MAF: variants seen among roughly 807,000 people sequenced by gnomAD.
MAF encodes the protein MAF bZIP transcription factor, also known as transcription factor Maf.
A neutral mutation model predicts 22.0 loss-of-function variants in MAF; 10 were observed. That is an observed-to-expected ratio of 0.45 (90% CI 0.28 to 0.77). MAF has a LOEUF of 0.77. MAF is among the 30% of genes least tolerant of loss of function. The pLI, the probability that MAF is intolerant of heterozygous loss-of-function variation, is 0.12. For synonymous variants in MAF, 337 were observed against 255.8 expected, an observed-to-expected ratio of 1.32 and a Z score of -3.03; for missense variants, 544 against 548.4, an observed-to-expected ratio of 0.99 and a Z score of 0.08.
chr16:79,294,034 G>C, the MAF span, among the ~76,000 whole-genome samples: 1 of 152,202 alleles, frequency 6.6e-6, no homozygotes, highest in Non-Finnish European at 1.5e-5. Context: ...TTGTGCAAGA[G>C]GCAGTGGCCC....
the MAF span, among the ~76,000 whole-genome samples, chr16:79,366,686 G>A: frequency 6.6e-6 from 1 of 152,220 alleles, no homozygotes; most frequent in Non-Finnish European, 1.5e-5. Context: ...TCTCTCCCAT[G>A]ATAACTAGGA....
At chr16:79,325,628 C>CAG in the MAF span, among the ~76,000 whole-genome samples, 1 of 149,094 alleles carries the variant, frequency 6.7e-6, no homozygotes, top group African/African-American at 2.5e-5. Context: ...CACACACACA[C>CAG]AGAACACACA....
the MAF span, among the ~76,000 whole-genome samples, chr16:79,383,347 G>A: frequency 1.3e-4 from 19 of 151,960 alleles, no homozygotes; most frequent in African/African-American, 4.6e-4. Context: ...ATTCACAGGG[G>A]AAAACTCAAG....
At chr16:79,587,168 G>C (rs150439520) in intron 1 of MAF, among the ~76,000 whole-genome samples, 1 of 152,242 alleles carries the variant, frequency 6.6e-6, no homozygotes, top group South Asian at 2.1e-4. Flanking sequence ...ATCTGTCAAA[G>C]TTGCCCTAAA....
At chr16:79,528,924 G>A in the MAF span, among the ~76,000 whole-genome samples, 1 of 152,146 alleles carries the variant, frequency 6.6e-6, no homozygotes, top group Non-Finnish European at 1.5e-5. Flanking sequence ...CCCGGTGCAA[G>A]ATTTCCCTAC....
chr16:79,221,251 G>A, the MAF span, among the ~76,000 whole-genome samples: 1 of 152,166 alleles, frequency 6.6e-6, no homozygotes, highest in Non-Finnish European at 1.5e-5. Context: ...ACTTTATGAT[G>A]AAGTACTTGG....
the MAF span, among the ~76,000 whole-genome samples, chr16:79,494,170 C>T: frequency 1.3e-5 from 2 of 152,192 alleles, no homozygotes; most frequent in Non-Finnish European, 2.9e-5. Flanking sequence ...AAAAGCAACA[C>T]AGATTTATTA....
the MAF span, among the ~76,000 whole-genome samples, chr16:79,565,448 G>T: frequency 5.3e-5 from 8 of 151,986 alleles, no homozygotes; most frequent in African/African-American, 1.9e-4. Context: ...ATATGGTTTC[G>T]CTGTGTCCCC....
the MAF span, among the ~76,000 whole-genome samples, chr16:79,381,865 C>A: frequency 6.6e-6 from 1 of 152,196 alleles, no homozygotes; most frequent in Non-Finnish European, 1.5e-5. Context: ...AGCTCTTGAA[C>A]TCAACCTGCG....
At chr16:79,489,062 C>T in the MAF span, among the ~76,000 whole-genome samples, 1 of 152,116 alleles carries the variant, frequency 6.6e-6, no homozygotes, top group Non-Finnish European at 1.5e-5. Flanking sequence ...AGAAACGTGG[C>T]AACTATTCAA....
At chr16:79,409,992 G>A in the MAF span, among the ~76,000 whole-genome samples, 1 of 152,290 alleles carries the variant, frequency 6.6e-6, no homozygotes, top group East Asian at 1.9e-4. Context: ...GAGTCCTTGT[G>A]GATGAATTGC....
At chr16:79,384,459 A>G in the MAF span, among the ~76,000 whole-genome samples, 2 of 148,976 alleles carry the variant, frequency 1.3e-5, no homozygotes, top group Non-Finnish European at 3.0e-5. Context: ...AAGAAAAAAA[A>G]AAAAAAAAAA....
At chr16:79,488,406 G>T in the MAF span, among the ~76,000 whole-genome samples, 3 of 152,192 alleles carry the variant, frequency 2.0e-5, no homozygotes, top group Middle Eastern at 3.4e-3. Flanking sequence ...TTGGAGCTTG[G>T]TCCTGCCACC....
the MAF span, among the ~76,000 whole-genome samples, chr16:79,309,667 G>C: frequency 6.6e-6 from 1 of 152,178 alleles, no homozygotes; most frequent in Non-Finnish European, 1.5e-5. Context: ...TCCACAGAGG[G>C]AACGGATGTC....
the MAF span, among the ~76,000 whole-genome samples, chr16:79,319,190 G>C: frequency 6.6e-6 from 1 of 152,142 alleles, no homozygotes; most frequent in African/African-American, 2.4e-5. Context: ...GGGGAGGTGG[G>C]GGGAGGTCCC....
chr16:79,446,108 G>C, the MAF span, among the ~76,000 whole-genome samples: 1 of 152,178 alleles, frequency 6.6e-6, no homozygotes, highest in Non-Finnish European at 1.5e-5. Context: ...GGGACGGGCA[G>C]AGGGGAAAGG....
chr16:79,474,621 C>T, the MAF span, among the ~76,000 whole-genome samples: 1 of 152,142 alleles, frequency 6.6e-6, no homozygotes. Context: ...CAAATCACAG[C>T]GTTGGAATCT....
At chr16:79,239,738 C>T in the MAF span, among the ~76,000 whole-genome samples, 1 of 152,020 alleles carries the variant, frequency 6.6e-6, no homozygotes, top group Non-Finnish European at 1.5e-5. Flanking sequence ...TTGTTTATTG[C>T]TGAAATCCCC....
chr16:79,575,991 T>G, the MAF span, among the ~76,000 whole-genome samples: 1 of 152,150 alleles, frequency 6.6e-6, no homozygotes, highest in South Asian at 2.1e-4. Flanking sequence ...AGGGAGCCTA[T>G]GAACACAGTA....
Sources: gnomAD v4.1 joint callset for allele counts (sites outside exome capture counted in the v4.1 genomes callset) on GRCh38, gnomAD v4.1.1 for gene constraint, MANE v1.5 for transcripts, NCBI Gene and HGNC (gene_info 2026-07-23, HGNC 2026-07-21) for gene names.